The following LEP variants were observed in gnomAD, a reference collection of about 807,000 sequenced individuals.
LEP encodes leptin (murine obesity homolog).
A neutral mutation model predicts 9.8 loss-of-function variants in LEP; 6 were observed. The ratio of observed to expected loss-of-function variants is 0.61; its 90% CI spans 0.34 to 1.21. LEP has a LOEUF of 1.21. Ranked by LOEUF, LEP falls within the 50% of genes most tolerant of loss-of-function variation. The pLI is 0.04. For synonymous variants in LEP, 112 were observed against 81.7 expected, an observed-to-expected ratio of 1.37 and a Z score of -2.00; for missense variants, 134 against 198.1, an observed-to-expected ratio of 0.68 and a Z score of 1.94.
chr7:128,253,556 A>G (rs1478444597), intron 2 of LEP, among the ~76,000 whole-genome samples: 1 of 152,188 alleles, frequency 6.6e-6, no homozygotes, highest in Non-Finnish European at 1.5e-5. Flanking sequence ...AGCTAAAGCA[A>G]TTGAATCCTC....
At chr7:128,251,830 C>T (rs1421896222) in intron 1 of LEP, among the ~76,000 whole-genome samples, 161 bp from the exon 2 acceptor site, 2 of 152,216 alleles carry the variant, frequency 1.3e-5, no homozygotes, top group Admixed American at 1.3e-4. Flanking sequence ...TTCATTAATA[C>T]ATATGTAGAT....
intron 1 of LEP, among the ~76,000 whole-genome samples, chr7:128,242,283 T>A (rs993069657): frequency 6.6e-6 from 1 of 152,354 alleles, no homozygotes; most frequent in East Asian, 1.9e-4. Context: ...GACTTGGTGG[T>A]ACCGTTCCAG....
intron 1 of LEP, among the ~76,000 whole-genome samples, chr7:128,251,572 A>C (rs563496952): frequency 2.0e-5 from 3 of 152,376 alleles, no homozygotes; most frequent in African/African-American, 7.2e-5. Context: ...AGAGATAGAT[A>C]TATTACAGGG....
chr7:128,252,693 C>T (rs910470833), intron 2 of LEP, among the ~76,000 whole-genome samples: 8 of 151,896 alleles, frequency 5.3e-5, no homozygotes, highest in Admixed American at 3.3e-4. Flanking sequence ...ATCATGCCAC[C>T]GTGCTCCAGC....
chr7:128,244,545 A>C (rs774986766), intron 1 of LEP, among the ~76,000 whole-genome samples: 19 of 152,226 alleles, frequency 1.2e-4, no homozygotes, highest in Non-Finnish European at 2.1e-4. Flanking sequence ...GTAAGGGTGA[A>C]TTTTACTTCT....
chr7:128,250,197 G>A (rs554698703), intron 1 of LEP, among the ~76,000 whole-genome samples: 17 of 152,278 alleles, frequency 1.1e-4, no homozygotes, highest in East Asian at 7.7e-4. Flanking sequence ...ACTTCGTATC[G>A]GGGATTAGCA....
intron 1 of LEP, among the ~76,000 whole-genome samples, chr7:128,244,617 G>T (rs920336964): frequency 2.0e-5 from 3 of 152,180 alleles, no homozygotes; most frequent in African/African-American, 7.2e-5. Context: ...TTAGAAAGTT[G>T]AAAGCTATCC....
intron 1 of LEP, among the ~76,000 whole-genome samples, chr7:128,246,610 C>A (rs1795213929): frequency 6.6e-6 from 1 of 151,200 alleles, no homozygotes; most frequent in African/African-American, 2.4e-5. Flanking sequence ...TTTGCCACCA[C>A]ACTCAGCTAT....
chr7:128,246,183 C>T (rs148861526), intron 1 of LEP, among the ~76,000 whole-genome samples: 5 of 152,290 alleles, frequency 3.3e-5, no homozygotes, highest in African/African-American at 1.2e-4. Context: ...CTGCCTCCAT[C>T]TGCCTTGTCC....
At chr7:128,247,391 C>T (rs573441193) in intron 1 of LEP, among the ~76,000 whole-genome samples, 2 of 152,314 alleles carry the variant, frequency 1.3e-5, no homozygotes, top group South Asian at 4.1e-4. Flanking sequence ...CTCCTCATGT[C>T]TCTCCTAGTT....
chr7:128,254,596 T>C lies in LEP; in HGVS notation c.337T>C (p.Phe113Leu), dbSNP rs1484913857. 1 of 1,614,188 alleles carries C rather than the reference T, an allele frequency of 6.2e-7. No individual in the cohort carries two copies. The highest frequency in any genetic ancestry group is 2.2e-5 in the East Asian group (1 of 44,880). The change falls in exon 3 of 3, where the codon TTC (phenylalanine) becomes CTC (leucine). Residue 113 changes from phenylalanine (F) to leucine (L), a missense_variant. Phe to Leu is a conservative substitution (Grantham distance 22, BLOSUM62 0). Transcript: ENST00000308868. Reference protein sequence around the residue: ...NLRDLLHVLAFSKSCHLPWAS... With the variant: ...NLRDLLHVLALSKSCHLPWAS... ...CCGGGATCTTCTTCACGTGCTGGCCTTCTCTAAGAGCTGCCACTTGCCCTG... is the reference window on the plus strand; with the variant it reads ...CCGGGATCTTCTTCACGTGCTGGCCCTCTCTAAGAGCTGCCACTTGCCCTG...
chr7:128,247,774 C>T (rs1014732120), intron 1 of LEP, among the ~76,000 whole-genome samples: 3 of 152,200 alleles, frequency 2.0e-5, no homozygotes, highest in Non-Finnish European at 4.4e-5. Flanking sequence ...TGCTTTATCT[C>T]ATTTCAGCCA....
At chr7:128,246,084 A>T (rs889145418) in intron 1 of LEP, among the ~76,000 whole-genome samples, 60 of 152,098 alleles carry the variant, frequency 3.9e-4, no homozygotes, top group African/African-American at 1.4e-3. Context: ...AAAAATAAAA[A>T]AATAAAAAAA....
intron 1 of LEP, among the ~76,000 whole-genome samples, chr7:128,248,170 C>T (rs1795234616): frequency 6.6e-6 from 1 of 152,158 alleles, no homozygotes; most frequent in Non-Finnish European, 1.5e-5. Context: ...ATGACTCACA[C>T]CTGTAATCCC....
intron 2 of LEP, among the ~76,000 whole-genome samples, chr7:128,254,117 A>G (rs1795307182): frequency 6.6e-6 from 1 of 152,184 alleles, no homozygotes; most frequent in Non-Finnish European, 1.5e-5. Context: ...ATATGAAACC[A>G]TGGCTGGTTC....
rs1795321132 is a variant in LEP at position 128,255,032 on chromosome 7, T to C, written c.*269T>C. On this transcript the variant is annotated 3_prime_UTR_variant, in exon 3 of 3. Coordinates refer to ENST00000308868, the MANE Select transcript of LEP (RefSeq NM_000230.3). ...GCTGCATCTGGGATTCCCACCAAGG[T>C]CTTCAGCCATCAACAAGAGTTGTCT... 4.1e-6 allele frequency: 2 copies of C among 482,624 alleles called. No individual in the cohort carries two copies. Among genetic ancestry groups the C allele is most frequent in the Admixed American group, 3.3e-5 (1 of 30,344 alleles). 29.9% of individuals were successfully genotyped at this position (482,624 alleles called of 1,614,324 possible). A position where few individuals can be genotyped will look rare whatever the true frequency, so the allele number is the denominator to read the frequency against.
At chr7:128,250,764 A>G (rs1370042256) in intron 1 of LEP, among the ~76,000 whole-genome samples, 2 of 152,206 alleles carry the variant, frequency 1.3e-5, no homozygotes, top group Non-Finnish European at 1.5e-5. Flanking sequence ...GAACACGAAA[A>G]GCGGAGATTA....
chr7:128,246,788 C>T (rs1795216678), intron 1 of LEP, among the ~76,000 whole-genome samples: 1 of 152,082 alleles, frequency 6.6e-6, no homozygotes, highest in South Asian at 2.1e-4. Flanking sequence ...GCTCCAGGGG[C>T]TCCACATTCT....
At chr7:128,251,898 T>C in intron 1 of LEP, 93 bp from the exon 2 acceptor site, 1 of 1,051,182 alleles carries the variant, frequency 9.5e-7, no homozygotes, top group Non-Finnish European at 1.5e-6. Flanking sequence ...AAAGCTGATT[T>C]TCATCCCCGT....
Sources: gnomAD v4.1 joint callset for allele counts (sites outside exome capture counted in the v4.1 genomes callset) on GRCh38, gnomAD v4.1.1 for gene constraint, MANE v1.5 for transcripts, NCBI Gene and HGNC (gene_info 2026-07-23, HGNC 2026-07-21) for gene names.